NLRP1: variants seen among roughly 807,000 people sequenced by gnomAD.
NLRP1 encodes NACHT, LRR and PYD domains-containing protein 1.
In NLRP1, 94 loss-of-function variants were observed where a neutral mutation model predicts 136.7. That is an observed-to-expected ratio of 0.69 (90% CI 0.58 to 0.82). The LOEUF (loss-of-function observed/expected upper bound fraction) is 0.82, where lower values mean the gene tolerates loss of function less well. Among genes scored for constraint, NLRP1 ranks in the 40% least tolerant of loss-of-function variants. The probability of loss-of-function intolerance (pLI) is 0.00; values close to 1 mark genes in which losing one functional copy is unlikely to be tolerated. For missense variants in NLRP1, 1,575 were observed against 1,802.7 expected, an observed-to-expected ratio of 0.87 and a Z score of 2.29; for synonymous variants, 690 against 725.1, an observed-to-expected ratio of 0.95 and a Z score of 0.78.
chr17:5,503,588 C>T (rs2151726051), intron 15 of NLRP1: 1 of 139,526 alleles, frequency 7.2e-6, no homozygotes, highest in South Asian at 2.2e-4. Context: ...CCCAGGTGAC[C>T]CCTGGGGGCT....
chr17:5,543,658 A>AT (rs544648935), intron 5 of NLRP1, among the ~76,000 whole-genome samples: 6,952 of 142,306 alleles, frequency 0.049, 186 homozygotes, highest in Middle Eastern at 0.088. Flanking sequence ...TCCATCTCAA[A>AT]TAAAAAAAAA....
intron 13 of NLRP1, 130 bp from the exon 14 acceptor site, chr17:5,521,142 C>A (rs1020807807): frequency 2.3e-6 from 2 of 869,116 alleles, no homozygotes; most frequent in South Asian, 1.9e-5. Flanking sequence ...CTCCCTCCCC[C>A]CATGCACTGC....
intron 5 of NLRP1, among the ~76,000 whole-genome samples, chr17:5,552,317 A>G (rs1049692366): frequency 1.3e-5 from 2 of 151,598 alleles, no homozygotes; most frequent in Non-Finnish European, 1.5e-5. Context: ...CTTTCCTTCT[A>G]TTGTTGATTT....
rs374662800 is a variant in NLRP1, at chr17:5,559,936, G to A, written c.760C>T (p.Pro254Ser). 1.7e-5 allele frequency: 27 copies of A among 1,614,088 alleles called. No homozygotes were observed. The highest frequency in any genetic ancestry group is 2.3e-5 in the Non-Finnish European group (27 of 1,180,032). ...CTCTCTCTCACAGAAGGCTCCCATGGGTGGTGGTGGGGCTGTAGGCTGGTG... is the reference window on the plus strand; with the variant it reads ...CTCTCTCTCACAGAAGGCTCCCATGAGTGGTGGTGGGGCTGTAGGCTGGTG... ...AHTSLQPHHHPWEPSVRESLC... is the reference protein window; with the variant it reads ...AHTSLQPHHHSWEPSVRESLC... Residue 254 changes from proline (P) to serine (S), a missense_variant, in exon 4 of 17, where the codon CCA becomes TCA. Coordinates refer to ENST00000572272, the MANE Select transcript of NLRP1 (RefSeq NM_033004.4).
chr17:5,558,865 G>T lies in NLRP1; in HGVS notation c.1831C>A (p.Gln611Lys). ...ISTFLKMGILQEHPIPLSYSF... is the reference protein window; with the variant it reads ...ISTFLKMGILKEHPIPLSYSF... ...TAGCTCAGAGGGATGGGGTGCTCTTGAAGAATACCCATCTTCAAGAAGGTG... is the reference window on the plus strand; with the variant it reads ...TAGCTCAGAGGGATGGGGTGCTCTTTAAGAATACCCATCTTCAAGAAGGTG... The change falls in exon 4 of 17, where the codon CAA (glutamine) becomes AAA (lysine). Residue 611 changes from glutamine to lysine, a missense_variant. Transcript: ENST00000572272. The T allele has an allele frequency of 6.2e-7, 1 of 1,614,128 alleles. No individual in the cohort carries two copies. Among genetic ancestry groups the T allele is most frequent in the Non-Finnish European group, 8.5e-7 (1 of 1,179,976 alleles).
chr17:5,514,013 C>T (rs1030753741), downstream of NLRP1: 2 of 152,188 alleles, frequency 1.3e-5, no homozygotes, highest in African/African-American at 2.4e-5. Flanking sequence ...AATTCCCACC[C>T]CTTTCTCTGG....
intron 15 of NLRP1, among the ~76,000 whole-genome samples, chr17:5,517,054 G>A (rs1466125016): frequency 6.6e-6 from 1 of 152,136 alleles, no homozygotes; most frequent in Non-Finnish European, 1.5e-5. Context: ...ATCTGAAATT[G>A]CCAAATCGGT....
At chr17:5,546,253 A>T (rs1912645626) in intron 5 of NLRP1, among the ~76,000 whole-genome samples, 1 of 152,232 alleles carries the variant, frequency 6.6e-6, no homozygotes, top group Admixed American at 6.5e-5. Flanking sequence ...TGCAAGATCC[A>T]AGGAGATCAT....
At position 5,520,926 on chromosome 17, in the gene NLRP1, GTAA is replaced by G. The variant is rs1460569933; in HGVS notation, c.3867_3869del (p.Tyr1290del). 6.2e-7 allele frequency: 1 copy of G among 1,612,072 alleles called. No homozygotes were observed. Among genetic ancestry groups the G allele is most frequent in the Non-Finnish European group, 8.5e-7 (1 of 1,178,998 alleles). On this transcript the variant is annotated inframe_deletion, in exon 14 of 17. Transcript: ENST00000572272. ...TCCCTGAACCAGACCCAGACACAGTGTAACGACAGCCCATATAAAGTGGGGTCA... is the reference window on the plus strand; with the variant it reads ...TCCCTGAACCAGACCCAGACACAGTGCGACAGCCCATATAAAGTGGGGTCA...
chr17:5,583,946 T>C lies in NLRP1; in HGVS notation c.12A>G (p.Gly4=). MAG[G]AWGRLACYLE... is the part of the protein sequence containing the mutation. ...AGTAACAGGCCAGGCGGCCCCAGGC[T>C]CCGCCAGCCATCTCTGTCCCGGAGT... Residue 4 remains glycine, a synonymous_variant, in exon 1 of 17, where the codon GGA becomes GGG. Coordinates refer to ENST00000572272, the MANE Select transcript of NLRP1 (RefSeq NM_033004.4). The surrounding 1 kb of genome is among the most constrained non-coding windows in gnomAD (Gnocchi z 4.5). 1 of 1,609,132 alleles carries C rather than the reference T, an allele frequency of 6.2e-7. No homozygotes were observed.
At position 5,558,846 on chromosome 17, in the gene NLRP1, A is replaced by C. The variant is rs1283426699; in HGVS notation, c.1850T>G (p.Leu617Arg). 1.2e-6 allele frequency: 2 copies of C among 1,614,220 alleles called. No individual in the cohort carries two copies. The highest frequency in any genetic ancestry group is 8.5e-7 in the Non-Finnish European group (1 of 1,180,024). Residue 617 changes from leucine (L) to arginine (R), a missense_variant, in exon 4 of 17, where the codon CTG (leucine) becomes CGG (arginine). Leu to Arg is a moderately radical substitution (Grantham distance 102). Transcript: ENST00000572272. ...MGILQEHPIP[L>R]SYSFIHLCFQ... is the part of the protein sequence containing the mutation. Reference sequence around the variant, plus strand: ...ACAGAGGTGAATGAAGCTGTAGCTCAGAGGGATGGGGTGCTCTTGAAGAAT... The same window carrying C: ...ACAGAGGTGAATGAAGCTGTAGCTCCGAGGGATGGGGTGCTCTTGAAGAAT...
chr17:5,536,950 C>T lies in NLRP1; in HGVS notation c.2871-10G>A, dbSNP rs114512284. 2,363 of 1,603,402 alleles carry T rather than the reference C, an allele frequency of 1.5e-3. 23 individuals are homozygous for T. The African/African-American group carries it at 0.028, about 19-fold the overall frequency. On this transcript the variant is annotated splice_polypyrimidine_tract_variant and intron_variant, in intron 7 of 16. Transcript: ENST00000572272. ...AGTTGTCTGGTCCAGCCTGAAAGCA[C>T]AAAGGGAGCCGGGTCCTCCTGGGAT...
Position 5,565,680 on chromosome 17 carries a change from A to G in NLRP1, c.653-5637T>C, listed in dbSNP as rs911029086. Among the ~76,000 whole-genome samples the G allele has an allele frequency of 3.3e-5, 5 of 152,276 alleles. No individual in the cohort carries two copies. The East Asian group carries it at 7.7e-4, about 23-fold the overall frequency. On this transcript the variant is annotated intron_variant, in intron 3 of 16. Transcript: ENST00000572272. ...TTTGTCTGGTTTTGGTATTAAGGTA[A>G]TACTGGCCTCAGAGAATGAGTGTGG... is the stretch of plus-strand genomic sequence containing the variant.
Position 5,521,381 on chromosome 17 carries a change from G to A in NLRP1, c.3783+143C>T, listed in dbSNP as rs150121412. The A allele has an allele frequency of 4.1e-4, 337 of 816,222 alleles. 4 individuals carry two copies. In the East Asian group the frequency reaches 6.0e-3, roughly 15 times the overall value. 50.6% of individuals were successfully genotyped at this position (816,222 alleles called of 1,614,324 possible). ...GACCAGTCCAAGACTGAGAGGGGAC[G>A]AATTGTTTGCCCACTTCAAGGTTCT... On this transcript the variant is annotated intron_variant, in intron 13 of 16. Transcript: ENST00000572272.
downstream of NLRP1, chr17:5,511,958 G>A: frequency 2.2e-6 from 1 of 452,122 alleles, no homozygotes; most frequent in South Asian, 2.0e-5. Context: ...CTGGCTACAA[G>A]GGAGCCCAGC....
chr17:5,501,741 G>A (rs201316989), exon 16 of NLRP1: 48 of 1,219,300 alleles, frequency 3.9e-5, no homozygotes, highest in Non-Finnish European at 5.6e-5. Context: ...ACCCACCTGC[G>A]GTCTACTCAG....
rs1567639676 is a variant in NLRP1, at chr17:5,531,152, AT to A, written c.3297-449del. On this transcript the variant is annotated intron_variant, in intron 11 of 16. Transcript: ENST00000572272. ...TCTGTCTTGTCTTGTCTGTCTATCT[AT>A]CTATCTATCTAATCTATCTAATCTA... Among the ~76,000 whole-genome samples, 31 of 150,030 alleles carry A rather than the reference AT, an allele frequency of 2.1e-4. No individual in the cohort carries two copies. The Admixed American group carries it at 2.1e-3, about 10-fold the overall frequency.
chr17:5,558,467 C>T lies in NLRP1; in HGVS notation c.2229G>A (p.Met743Ile), dbSNP rs200627043. 1.9e-6 allele frequency: 3 copies of T among 1,614,150 alleles called. No individual in the cohort carries two copies. Among genetic ancestry groups the T allele is most frequent in the Non-Finnish European group, 2.5e-6 (3 of 1,180,020 alleles). ...AGAGCTCCATGTCTGTTTCTACACA[C>T]ATGCCCATTTCTTCGAAATGGGCCA... is the stretch of plus-strand genomic sequence containing the variant. ...QVMAHFEEMG[M>I]CVETDMELLV... The change falls in exon 4 of 17, where the codon ATG (methionine) becomes ATA (isoleucine). Residue 743 changes from methionine (M) to isoleucine (I), a missense_variant. Transcript: ENST00000572272.
chr17:5,541,591 C>T lies in NLRP1; in HGVS notation c.2699+266G>A, dbSNP rs1911871639. On this transcript the variant is annotated intron_variant, in intron 6 of 16. Coordinates refer to ENST00000572272, the MANE Select transcript of NLRP1 (RefSeq NM_033004.4). The surrounding 1 kb of genome is among the most constrained non-coding windows in gnomAD (Gnocchi z 4.2). ...CTCTGTGGTAGTCTGTGAAAATGGC[C>T]ACAAATTCTGCCCCCTGTCCCCACC... Among the ~76,000 whole-genome samples, 1 of 152,164 alleles carries T rather than the reference C, an allele frequency of 6.6e-6. No individual in the cohort carries two copies. Among genetic ancestry groups the T allele is most frequent in the African/African-American group, 2.4e-5 (1 of 41,448 alleles).
Sources: allele counts gnomAD v4.1 joint callset (sites outside exome capture counted in the v4.1 genomes callset), GRCh38; gene constraint gnomAD v4.1.1; non-coding constraint Gnocchi (gnomAD v3.1); transcripts MANE v1.5; gene names NCBI Gene and HGNC (gene_info 2026-07-23, HGNC 2026-07-21).